RNF222: variants seen among roughly 807,000 people sequenced by gnomAD.
RNF222 encodes ring finger protein 222.
A neutral mutation model predicts 10.8 loss-of-function variants in RNF222; 14 were observed. That is an observed-to-expected ratio of 1.30 (90% CI 0.86 to 2.03). RNF222 has a LOEUF of 2.03. Ranked by LOEUF, RNF222 falls within the 30% of genes most tolerant of loss-of-function variation. RNF222 has a pLI of 0.00. For missense variants in RNF222, 298 were observed against 295.8 expected, an observed-to-expected ratio of 1.01 and a Z score of -0.06; for synonymous variants, 141 against 142.5, an observed-to-expected ratio of 0.99 and a Z score of 0.07.
rs1907797073 is a variant in RNF222 at position 8,390,828 on chromosome 17, T to G, written c.*1971A>C. The stretch of plus-strand genomic sequence containing the variant: ...CTGAGAGTATGTTGAAAGAAACTTT[T>G]GGCAAATACGACAGAATCTGAAAAG... On this transcript the variant is annotated 3_prime_UTR_variant, in exon 3 of 3. Coordinates refer to ENST00000399398, the MANE Select transcript of RNF222 (RefSeq NM_001146684.3). The G allele has an allele frequency of 6.6e-6, 1 of 152,236 alleles. No individual in the cohort carries two copies. The highest frequency in any genetic ancestry group is 1.5e-5 in the Non-Finnish European group (1 of 68,048). 9.4% of individuals were successfully genotyped at this position (152,236 alleles called of 1,614,324 possible).
chr17:8,393,312 G>A lies in RNF222; in HGVS notation c.150C>T (p.Arg50=), dbSNP rs1423027943. The change falls in exon 3 of 3, where the codon CGC becomes CGT. Residue 50 remains arginine (R), a synonymous_variant. Coordinates refer to ENST00000399398, the MANE Select transcript of RNF222 (RefSeq NM_001146684.3). ...DCLVKYLLST[R]VDGQVQRTLV... is the part of the protein sequence containing the mutation. ...GGGTCCTCTGGACCTGCCCATCCAC[G>A]CGGGTGGACAGCAGGTACTTGACCA... is the stretch of plus-strand genomic sequence containing the variant. 3 of 1,551,482 alleles carry A rather than the reference G, an allele frequency of 1.9e-6. No homozygotes were observed. The highest frequency in any genetic ancestry group is 2.7e-5 in the African/African-American group (2 of 73,048).
intron 1 of RNF222, among the ~76,000 whole-genome samples, chr17:8,396,513 CCTT>C (rs1193222323): frequency 1.3e-5 from 2 of 152,158 alleles, no homozygotes. Context: ...TCTGGGCAAT[CCTT>C]CTCCCTTCCA....
Position 8,396,482 on chromosome 17 carries a change from C to T in RNF222, c.-178+1213G>A, listed in dbSNP as rs577061614. 8.4e-4 allele frequency among the ~76,000 whole-genome samples: 128 copies of T among 152,260 alleles called. 1 individual carries two copies. Among genetic ancestry groups the T allele is most frequent in the African/African-American group, 3.0e-3 (125 of 41,554 alleles). ...GGACCCAGGGAGTGCAGAAGACATC[C>T]GAGGCCCCAATGATGGCCTCTCTGG... On this transcript the variant is annotated intron_variant, in intron 1 of 2. Coordinates refer to ENST00000399398, the MANE Select transcript of RNF222 (RefSeq NM_001146684.3).
Position 8,392,666 on chromosome 17 carries a change from G to T in RNF222, c.*133C>A. 1 of 1,157,670 alleles carries T rather than the reference G, an allele frequency of 8.6e-7. No homozygotes were observed. Among genetic ancestry groups the T allele is most frequent in the Non-Finnish European group, 1.2e-6 (1 of 850,940 alleles). The allele number at this position is 1,157,670 out of a possible 1,614,324, so 71.7% of individuals were successfully genotyped here. On this transcript the variant is annotated 3_prime_UTR_variant, in exon 3 of 3. Coordinates refer to ENST00000399398, the MANE Select transcript of RNF222 (RefSeq NM_001146684.3). The surrounding 1 kb of genome is among the most constrained non-coding windows in gnomAD (Gnocchi z 4.3). The stretch of plus-strand genomic sequence containing the variant: ...CCCTGCGGGGGTCGGGGAAGCCCAA[G>T]GCCCTCTCTGTGCCCAGGTCCTCCC...
intron 2 of RNF222, 98 bp from the exon 3 acceptor site, chr17:8,393,584 C>T (rs1053975396): frequency 1.4e-6 from 2 of 1,414,310 alleles, no homozygotes; most frequent in Non-Finnish European, 1.9e-6. Flanking sequence ...CCCTTATCCC[C>T]TCTCCCTGTC....
chr17:8,393,270 G>T lies in RNF222; in HGVS notation c.192C>A (p.Cys64Ter). The change falls in exon 3 of 3, where the codon TGC becomes TGA. Residue 64 changes from cysteine (C) to a stop codon, truncating the protein, a stop_gained. Coordinates refer to ENST00000399398, the MANE Select transcript of RNF222 (RefSeq NM_001146684.3). LOFTEE classifies it high-confidence loss of function. ...QVQRTLVCPI[C>*]RYVTFLSKKS... Reference sequence around the variant, plus strand: ...TCTTGCTGAGGAATGTGACGTAGCGGCAGATGGGGCAGACCAGGGTCCTCT... The same window carrying T: ...TCTTGCTGAGGAATGTGACGTAGCGTCAGATGGGGCAGACCAGGGTCCTCT... The T allele has an allele frequency of 6.4e-7, 1 of 1,551,368 alleles. No individual in the cohort carries two copies.
intron 1 of RNF222, among the ~76,000 whole-genome samples, 193 bp from the exon 2 acceptor site, chr17:8,394,522 C>T (rs1907978793): frequency 6.6e-6 from 1 of 150,984 alleles, no homozygotes; most frequent in Non-Finnish European, 1.5e-5. Flanking sequence ...ACTGCAACTT[C>T]CACCTCCTGG....
At chr17:8,397,195 G>C (rs986515921) in intron 1 of RNF222, among the ~76,000 whole-genome samples, 6 of 152,184 alleles carry the variant, frequency 3.9e-5, no homozygotes, top group African/African-American at 1.4e-4. Flanking sequence ...TCAGACTTTG[G>C]TCAAAGGAAT....
Position 8,391,220 on chromosome 17 carries a change from C to A in RNF222, c.*1579G>T, listed in dbSNP as rs1243076954. ...TATTTTTAGTAGAGACGCGGTTTCACCATATTGGCCAGGCTGGTCTCGAAC... is the reference window on the plus strand; with the variant it reads ...TATTTTTAGTAGAGACGCGGTTTCAACATATTGGCCAGGCTGGTCTCGAAC... On this transcript the variant is annotated 3_prime_UTR_variant, in exon 3 of 3. Transcript: ENST00000399398. The A allele has an allele frequency of 9.2e-5, 14 of 152,092 alleles. No homozygotes were observed. The highest frequency in any genetic ancestry group is 9.2e-4 in the Admixed American group (14 of 15,252). The allele number at this position is 152,092 out of a possible 1,614,324, so 9.4% of individuals were successfully genotyped here.
rs1030378491 is a variant in RNF222 at position 8,397,822 on chromosome 17, A to G, written c.-305T>C. 2 of 152,354 alleles carry G rather than the reference A, an allele frequency of 1.3e-5. No individual in the cohort carries two copies. Among genetic ancestry groups the G allele is most frequent in the African/African-American group, 2.4e-5 (1 of 41,438 alleles). The allele number at this position is 152,354 out of a possible 1,614,324, so 9.4% of individuals were successfully genotyped here. On this transcript the variant is annotated 5_prime_UTR_variant, in exon 1 of 3. Coordinates refer to ENST00000399398, the MANE Select transcript of RNF222 (RefSeq NM_001146684.3). ...GACCGCCACCGCCGAGGCAATTCCT[A>G]ATGACAGAGCAGGTCGGGAGGACAG...
intron 2 of RNF222, among the ~76,000 whole-genome samples, chr17:8,393,893 A>C (rs1188283013): frequency 6.6e-6 from 1 of 152,198 alleles, no homozygotes; most frequent in Non-Finnish European, 1.5e-5. Flanking sequence ...CAGGGGAAGC[A>C]GGTGGCTAAG....
chr17:8,393,609 T>C, intron 2 of RNF222, 123 bp from the exon 3 acceptor site: 1 of 1,325,078 alleles, frequency 7.5e-7, no homozygotes, highest in Non-Finnish European at 1.0e-6. Context: ...GCCTCCTCTC[T>C]CTTCCTCCTA....
At chr17:8,394,809 T>C (rs1400251419) in intron 1 of RNF222, among the ~76,000 whole-genome samples, 1 of 152,238 alleles carries the variant, frequency 6.6e-6, no homozygotes, top group Admixed American at 6.5e-5. Flanking sequence ...CCCAAGTCGA[T>C]GGCTTTGAAG....
At chr17:8,396,076 A>G (rs953820874) in intron 1 of RNF222, among the ~76,000 whole-genome samples, 1 of 152,190 alleles carries the variant, frequency 6.6e-6, no homozygotes, top group Non-Finnish European at 1.5e-5. Flanking sequence ...TATTTTTTTG[A>G]AAGGAGTATT....
At chr17:8,393,562 T>G (rs1292836457) in intron 2 of RNF222, 76 bp from the exon 3 acceptor site, 1 of 1,456,920 alleles carries the variant, frequency 6.9e-7, no homozygotes, top group Admixed American at 2.4e-5. Context: ...CCTACACCTC[T>G]GCCTCCACTG....
intron 1 of RNF222, among the ~76,000 whole-genome samples, chr17:8,396,312 G>A (rs546349318): frequency 5.3e-5 from 8 of 152,320 alleles, no homozygotes; most frequent in East Asian, 1.9e-4. Flanking sequence ...AGAAGATTCC[G>A]TAGATGGTAG....
At position 8,393,382 on chromosome 17, in the gene RNF222, G is replaced by C; in HGVS notation, c.80C>G (p.Ala27Gly). 1 of 1,551,684 alleles carries C rather than the reference G, an allele frequency of 6.4e-7. No homozygotes were observed. Among genetic ancestry groups the C allele is most frequent in the Non-Finnish European group, 8.7e-7 (1 of 1,146,976 alleles). Residue 27 changes from alanine (A) to glycine (G), a missense_variant, in exon 3 of 3, where the codon GCC (alanine) becomes GGC (glycine). Transcript: ENST00000399398. Reference protein sequence around the residue: ...CYEKFRDLEGASRTLSCGHVF... With the variant: ...CYEKFRDLEGGSRTLSCGHVF... ...ATGGCCACAGCTCAGCGTCCGGCTG[G>C]CGCCCTCCAGGTCCCGGAACTTCTC... is the stretch of plus-strand genomic sequence containing the variant.
Position 8,391,361 on chromosome 17 carries a change from G to A in RNF222, c.*1438C>T, listed in dbSNP as rs1361799278. 2.0e-5 allele frequency: 3 copies of A among 152,170 alleles called. No homozygotes were observed. Among genetic ancestry groups the A allele is most frequent in the South Asian group, 2.1e-4 (1 of 4,822 alleles). The allele number at this position is 152,170 out of a possible 1,614,324, so 9.4% of individuals were successfully genotyped here. Reference sequence around the variant, plus strand: ...AATGAGCACAGAGAAGCCCACAAGTGCTTTTAAAGCAGCCCTCTCTATGTC... The same window carrying A: ...AATGAGCACAGAGAAGCCCACAAGTACTTTTAAAGCAGCCCTCTCTATGTC... On this transcript the variant is annotated 3_prime_UTR_variant, in exon 3 of 3. Coordinates refer to ENST00000399398, the MANE Select transcript of RNF222 (RefSeq NM_001146684.3).
chr17:8,395,265 TG>T (rs1208753864), intron 1 of RNF222, among the ~76,000 whole-genome samples: 4 of 152,230 alleles, frequency 2.6e-5, no homozygotes, highest in Non-Finnish European at 1.5e-5. Flanking sequence ...ATGGTCAATG[TG>T]GCCCCCAGGA....
Sources: gnomAD v4.1 joint callset for allele counts (sites outside exome capture counted in the v4.1 genomes callset) on GRCh38, gnomAD v4.1.1 for gene constraint, Gnocchi (gnomAD v3.1) non-coding constraint, MANE v1.5 for transcripts, NCBI Gene and HGNC (gene_info 2026-07-23, HGNC 2026-07-21) for gene names.